RSU1: variants seen among roughly 807,000 people sequenced by gnomAD.
RSU1 encodes rsu-1.
RSU1 carries 26 observed loss-of-function variants against 31.1 expected under a neutral mutation model. The observed-to-expected ratio is 0.84, with a 90% CI of 0.61 to 1.16. The LOEUF (loss-of-function observed/expected upper bound fraction) is 1.16, where lower values mean the gene tolerates loss of function less well. Ranked by LOEUF, RSU1 falls within the 50% of genes most tolerant of loss-of-function variation. The pLI, the probability that RSU1 is intolerant of heterozygous loss-of-function variation, is 0.00. For missense variants in RSU1, 320 were observed against 339.1 expected (o/e 0.94, Z 0.44); for synonymous variants, 164 against 136.3 (o/e 1.20, Z -1.41).
intron 8 of RSU1, among the ~76,000 whole-genome samples, chr10:16,663,567 C>T (rs749382503): frequency 6.6e-6 from 1 of 152,172 alleles, no homozygotes; most frequent in Non-Finnish European, 1.5e-5. Flanking sequence ...TTATACAGTG[C>T]AGGAGCCTCT....
chr10:16,610,455 G>C (rs930600461), intron 8 of RSU1, among the ~76,000 whole-genome samples: 1 of 152,226 alleles, frequency 6.6e-6, no homozygotes, highest in Non-Finnish European at 1.5e-5. Context: ...CAGCCTGTTA[G>C]AAGCTGGGCT....
intron 8 of RSU1, among the ~76,000 whole-genome samples, chr10:16,657,281 T>C (rs1214618121): frequency 6.6e-6 from 1 of 152,202 alleles, no homozygotes; most frequent in Non-Finnish European, 1.5e-5. Flanking sequence ...TAGTACTTCC[T>C]TTAGCTTCCC....
chr10:16,647,207 C>T (rs1410000426), intron 8 of RSU1, among the ~76,000 whole-genome samples: 4 of 151,984 alleles, frequency 2.6e-5, no homozygotes, highest in East Asian at 1.9e-4. Flanking sequence ...CTCCTGACCT[C>T]GTGATCTACA....
chr10:16,649,012 GA>G (rs1834629839), intron 8 of RSU1, among the ~76,000 whole-genome samples: 1 of 152,194 alleles, frequency 6.6e-6, no homozygotes, highest in African/African-American at 2.4e-5. Flanking sequence ...ATTCCGTTCT[GA>G]GACTTTTAAA....
chr10:16,651,917 T>C (rs529567718), intron 8 of RSU1, among the ~76,000 whole-genome samples: 1 of 152,342 alleles, frequency 6.6e-6, no homozygotes, highest in Non-Finnish European at 1.5e-5. Flanking sequence ...AAATATTTAT[T>C]TCTACTTCAA....
intron 7 of RSU1, chr10:16,722,968 A>G (rs986637482): frequency 6.7e-6 from 1 of 149,694 alleles, no homozygotes; most frequent in Non-Finnish European, 1.5e-5. Context: ...ACATATACAT[A>G]TATGTATATA....
At chr10:16,593,589 A>C (rs758664501) in intron 8 of RSU1, 93 bp from the exon 9 acceptor site, 1 of 976,936 alleles carries the variant, frequency 1.0e-6, no homozygotes, top group Non-Finnish European at 1.6e-6. Context: ...AGAATCTCCA[A>C]AAATATTCAG....
At chr10:16,619,536 C>T (rs1325778382) in intron 8 of RSU1, among the ~76,000 whole-genome samples, 1 of 152,226 alleles carries the variant, frequency 6.6e-6, no homozygotes, top group Non-Finnish European at 1.5e-5. Flanking sequence ...TGTCCTGCTT[C>T]CCATCAGTAG....
chr10:16,806,607 CA>C (rs1838273139), intron 2 of RSU1, among the ~76,000 whole-genome samples: 1 of 152,128 alleles, frequency 6.6e-6, no homozygotes, highest in South Asian at 2.1e-4. Context: ...TAATACACTC[CA>C]TGCATAGATG....
intron 4 of RSU1, 137 bp downstream of exon 4, chr10:16,764,253 T>G: frequency 9.6e-7 from 1 of 1,037,372 alleles, no homozygotes; most frequent in Non-Finnish European, 1.3e-6. Context: ...ATAAAATTTT[T>G]TTAAGACCCA....
chr10:16,810,915 G>A (rs1838395217), intron 2 of RSU1, among the ~76,000 whole-genome samples: 1 of 151,960 alleles, frequency 6.6e-6, no homozygotes, highest in Non-Finnish European at 1.5e-5. Flanking sequence ...TACGCTACTT[G>A]GGAGGCTGAG....
intron 7 of RSU1, among the ~76,000 whole-genome samples, chr10:16,724,618 C>A (rs1836346692): frequency 6.6e-6 from 1 of 152,186 alleles, no homozygotes; most frequent in African/African-American, 2.4e-5. Flanking sequence ...AGAAGAGGAG[C>A]AGAAGGGGGA....
chr10:16,743,884 A>C (rs1386058055), intron 7 of RSU1, among the ~76,000 whole-genome samples: 1 of 152,164 alleles, frequency 6.6e-6, no homozygotes, highest in Non-Finnish European at 1.5e-5. Flanking sequence ...TAATCCTAAC[A>C]TTTTGGGAGG....
intron 7 of RSU1, among the ~76,000 whole-genome samples, chr10:16,750,071 C>T (rs944825129): frequency 2.0e-5 from 3 of 152,116 alleles, no homozygotes; most frequent in African/African-American, 7.2e-5. Flanking sequence ...ATAATTCTTA[C>T]GATAATTATA....
intron 4 of RSU1, among the ~76,000 whole-genome samples, chr10:16,763,384 G>A (rs1837247076): frequency 6.6e-6 from 1 of 152,176 alleles, no homozygotes; most frequent in Non-Finnish European, 1.5e-5. Flanking sequence ...GGCAATGCAG[G>A]AGTATGCTTA....
At chr10:16,793,703 G>A (rs1212986285) in intron 2 of RSU1, among the ~76,000 whole-genome samples, 1 of 152,118 alleles carries the variant, frequency 6.6e-6, no homozygotes, top group East Asian at 1.9e-4. Context: ...GCAAGCCACT[G>A]TACTTCTTTG....
chr10:16,619,629 G>T, intron 8 of RSU1, among the ~76,000 whole-genome samples: 1 of 151,884 alleles, frequency 6.6e-6, no homozygotes, highest in East Asian at 1.9e-4. Flanking sequence ...CAGCTCAATG[G>T]TACATCAAAT....
chr10:16,663,394 A>T (rs1432947837), intron 8 of RSU1, among the ~76,000 whole-genome samples: 1 of 152,174 alleles, frequency 6.6e-6, no homozygotes, highest in East Asian at 1.9e-4. Flanking sequence ...TTAAGGTTGT[A>T]ATTTGCTTAC....
intron 2 of RSU1, among the ~76,000 whole-genome samples, chr10:16,812,487 G>C (rs1838429833): frequency 6.6e-6 from 1 of 152,022 alleles, no homozygotes; most frequent in African/African-American, 2.4e-5. Context: ...GATTTTAATA[G>C]ATTATATCTA....
Sources: allele counts gnomAD v4.1 joint callset (sites outside exome capture counted in the v4.1 genomes callset), GRCh38; gene constraint gnomAD v4.1.1; transcripts MANE v1.5; gene names NCBI Gene and HGNC (gene_info 2026-07-23, HGNC 2026-07-21).